NT5DC3: variants seen among roughly 807,000 people sequenced by gnomAD.
NT5DC3 encodes the protein 5'-nucleotidase domain-containing protein 3.
Under a neutral mutation model 67.8 loss-of-function variants are expected in NT5DC3, and 42 were observed. The ratio of observed to expected loss-of-function variants is 0.62; its 90% CI spans 0.48 to 0.80. NT5DC3 has a LOEUF of 0.80. Among genes scored for constraint, NT5DC3 ranks in the 30% least tolerant of loss-of-function variants. The probability of loss-of-function intolerance (pLI) is 0.00; values close to 1 mark genes in which losing one functional copy is unlikely to be tolerated. For missense variants in NT5DC3, 570 were observed against 696.4 expected, an observed-to-expected ratio of 0.82 and a Z score of 2.04; for synonymous variants, 237 against 255.6, an observed-to-expected ratio of 0.93 and a Z score of 0.69.
chr12:103,750,650 C>G, the NT5DC3 span: 3 of 1,614,236 alleles, frequency 1.9e-6, no homozygotes, highest in Non-Finnish European at 2.5e-6. Flanking sequence ...AGCAGCTGCC[C>G]ATTGACCGCT....
intron 13 of NT5DC3, among the ~76,000 whole-genome samples, chr12:103,778,473 G>A (rs1403136930): frequency 1.3e-5 from 2 of 152,232 alleles, no homozygotes; most frequent in Non-Finnish European, 2.9e-5. Flanking sequence ...AGAGGGTGCA[G>A]TAAGCAGAGA....
intron 6 of NT5DC3, among the ~76,000 whole-genome samples, chr12:103,795,743 G>A (rs1281935968): frequency 5.9e-5 from 9 of 151,326 alleles, no homozygotes; most frequent in Admixed American, 6.6e-5. Context: ...AACTTTTTTA[G>A]TACTAAAAAG....
chr12:103,789,423 T>C (rs969443020), intron 9 of NT5DC3, among the ~76,000 whole-genome samples: 7 of 150,900 alleles, frequency 4.6e-5, no homozygotes, highest in Non-Finnish European at 1.0e-4. Flanking sequence ...AAACTCCATC[T>C]CAAAAACAAA....
the NT5DC3 span, among the ~76,000 whole-genome samples, chr12:103,763,101 A>G: frequency 6.6e-6 from 1 of 152,224 alleles, no homozygotes; most frequent in Non-Finnish European, 1.5e-5. Context: ...CAAAATCCCC[A>G]TTTTTAGCAA....
downstream of NT5DC3, chr12:103,766,111 C>G (rs934168842): frequency 1.3e-5 from 11 of 836,998 alleles, no homozygotes; most frequent in Non-Finnish European, 2.0e-5. Context: ...GGTGGCCCTA[C>G]CCCCAGCCCA....
At chr12:103,758,034 C>T in the NT5DC3 span, 2 of 1,309,466 alleles carry the variant, frequency 1.5e-6, no homozygotes, top group Non-Finnish European at 2.1e-6. Flanking sequence ...GCAGAAGACA[C>T]AGCAAAGGAG....
intron 1 of NT5DC3, among the ~76,000 whole-genome samples, chr12:103,817,713 C>T (rs74623221): frequency 0.1 from 15,427 of 152,200 alleles, 1,118 homozygotes; most frequent in East Asian, 0.29. Flanking sequence ...GATACACCAG[C>T]ACCAAATGGC....
At chr12:103,811,095 G>C (rs1217834607) in intron 2 of NT5DC3, among the ~76,000 whole-genome samples, 2 of 152,196 alleles carry the variant, frequency 1.3e-5, no homozygotes, top group African/African-American at 4.8e-5. Flanking sequence ...AATGTTTACT[G>C]AGTACCTACT....
intron 1 of NT5DC3, among the ~76,000 whole-genome samples, chr12:103,832,470 A>C (rs1052792055): frequency 2.0e-5 from 3 of 151,850 alleles, no homozygotes; most frequent in Non-Finnish European, 2.9e-5. Flanking sequence ...TCTTTTTTTT[A>C]ATTTGTCTTA....
At chr12:103,815,387 T>C (rs1333641230) in intron 1 of NT5DC3, among the ~76,000 whole-genome samples, 1 of 152,146 alleles carries the variant, frequency 6.6e-6, no homozygotes, top group African/African-American at 2.4e-5. Flanking sequence ...GAATTTCTTT[T>C]TGTGGTGATG....
chr12:103,757,872 C>T, the NT5DC3 span: 1 of 393,546 alleles, frequency 2.5e-6, no homozygotes, highest in East Asian at 5.0e-5. Flanking sequence ...AGTGGGGGGC[C>T]ACTGCAGGAT....
intron 12 of NT5DC3, among the ~76,000 whole-genome samples, chr12:103,784,358 G>C (rs1020379043): frequency 8.5e-5 from 13 of 152,238 alleles, no homozygotes; most frequent in Non-Finnish European, 1.5e-4. Context: ...GGCCCAGGGG[G>C]ACGTGCAGGG....
At chr12:103,761,315 G>T in the NT5DC3 span, 1 of 1,614,098 alleles carries the variant, frequency 6.2e-7, no homozygotes, top group South Asian at 1.1e-5. Flanking sequence ...GACCAGGTTT[G>T]TTGATGGAAG....
chr12:103,747,243 T>A, the NT5DC3 span, among the ~76,000 whole-genome samples: 3 of 152,194 alleles, frequency 2.0e-5, no homozygotes, highest in Non-Finnish European at 4.4e-5. Flanking sequence ...TGAGAACCAC[T>A]GTGAACACTG....
chr12:103,756,981 C>A, the NT5DC3 span, among the ~76,000 whole-genome samples: 1 of 98,374 alleles, frequency 1.0e-5, no homozygotes, highest in African/African-American at 3.8e-5. Flanking sequence ...GCCTCAGTAG[C>A]CCAGAAGGAG....
Position 103,793,210 on chromosome 12 carries a change from C to T in NT5DC3, c.973G>A (p.Val325Ile). Residue 325 changes from valine to isoleucine, a missense_variant, in exon 9 of 14, where the codon GTC (valine) becomes ATC (isoleucine). Physicochemically the swap from Val to Ile is conservative, Grantham distance 29. Coordinates refer to ENST00000392876, the MANE Select transcript of NT5DC3 (RefSeq NM_001031701.3). ...TTTGGCTTCTCAGCCTGAACAATGA[C>T]CACATCGAACAGGTCCCTCCAGTCT... is the stretch of plus-strand genomic sequence containing the variant. ...GKDWRDLFDV[V>I]IVQAEKPNFF... 6.2e-7 allele frequency: 1 copy of T among 1,608,516 alleles called. No individual in the cohort carries two copies. The highest frequency in any genetic ancestry group is 8.5e-7 in the Non-Finnish European group (1 of 1,178,824).
chr12:103,771,676 G>C (rs1265968094), downstream of NT5DC3, among the ~76,000 whole-genome samples: 3 of 152,176 alleles, frequency 2.0e-5, no homozygotes, highest in Non-Finnish European at 4.4e-5. Flanking sequence ...GAAAGGCTGG[G>C]TTGAGCTGAG....
chr12:103,785,751 T>TAAAAAAAAAAA, intron 11 of NT5DC3: 1 of 363,510 alleles, frequency 2.8e-6, no homozygotes, highest in Non-Finnish European at 5.1e-6. Flanking sequence ...CCATGGTCTG[T>TAAAAAAAAAAA]AAAAAAAAAA....
chr12:103,793,889 A>G, intron 7 of NT5DC3, 48 bp downstream of exon 7: 2 of 1,504,196 alleles, frequency 1.3e-6, no homozygotes, highest in African/African-American at 2.7e-5. Context: ...TGGTTGCAAA[A>G]GAAACAGAAA....
Sources: gnomAD v4.1 joint callset for allele counts (sites outside exome capture counted in the v4.1 genomes callset) on GRCh38, gnomAD v4.1.1 for gene constraint, MANE v1.5 for transcripts, NCBI Gene and HGNC (gene_info 2026-07-23, HGNC 2026-07-21) for gene names.